The following DMD variants were observed in gnomAD, a reference collection of about 807,000 sequenced individuals.
The protein encoded by DMD is mutant dystrophin.
In DMD, 63 loss-of-function variants were observed where a neutral mutation model predicts 330.1. The observed-to-expected ratio is 0.19, with a 90% CI of 0.16 to 0.24. DMD has a LOEUF of 0.24. Among genes scored for constraint, DMD ranks in the 10% least tolerant of loss-of-function variants. The probability of loss-of-function intolerance (pLI) is 1.00; values close to 1 mark genes in which losing one functional copy is unlikely to be tolerated. For synonymous variants in DMD, 1,223 were observed against 959.8 expected (o/e 1.27, Z -5.07); for missense variants, 3,344 against 2,684.1 (o/e 1.25, Z -5.43).
At chrX:31,200,807 A>G in intron 67 of DMD, among the ~76,000 whole-genome samples, 1 of 111,715 alleles carries the variant, frequency 9.0e-6, no homozygotes. Flanking sequence ...CTAGGAAGCC[A>G]GTGCAATGAT....
At chrX:32,414,351 C>A (rs753705477) in intron 29 of DMD, among the ~76,000 whole-genome samples, 2 of 112,073 alleles carry the variant, frequency 1.8e-5, no homozygotes, top group South Asian at 3.7e-4. Flanking sequence ...AGTAAAAATT[C>A]TATCAAGTTA....
intron 44 of DMD, among the ~76,000 whole-genome samples, chrX:32,162,093 A>G (rs1182863237): frequency 9.0e-6 from 1 of 111,631 alleles, no homozygotes. Context: ...TGACGGGTTG[A>G]TGGGTGCAGC....
chrX:33,249,478 G>T (rs2052733089), intron 1 of DMD, among the ~76,000 whole-genome samples: 1 of 112,075 alleles, frequency 8.9e-6, no homozygotes, highest in African/African-American at 3.2e-5. Context: ...TTCAAATTAT[G>T]TAGCATTTAT....
At chrX:32,735,341 C>G (rs752612981) in intron 7 of DMD, among the ~76,000 whole-genome samples, 14 of 110,220 alleles carry the variant, frequency 1.3e-4, no homozygotes, top group East Asian at 2.8e-4. Flanking sequence ...CCATACTGCC[C>G]AAGGTAATTT....
intron 17 of DMD, among the ~76,000 whole-genome samples, chrX:32,532,823 CTATAACAAAGACAA>C (rs962219364): frequency 8.9e-6 from 1 of 111,852 alleles, no homozygotes; most frequent in African/African-American, 3.3e-5. Flanking sequence ...GCAAACACAG[CTATAACAAAGACAA>C]TGAAACATAT....
intron 12 of DMD, among the ~76,000 whole-genome samples, chrX:32,598,524 T>G (rs1350134481): frequency 8.9e-6 from 1 of 112,035 alleles, no homozygotes; most frequent in African/African-American, 3.2e-5. Flanking sequence ...TATATATAAT[T>G]ACATATATTA....
chrX:32,365,036 C>A lies in DMD; in HGVS notation c.5009G>T (p.Trp1670Leu). 8.3e-7 allele frequency: 1 copy of A among 1,210,367 alleles called. No homozygotes were observed. ...TTCTCTTACCAACAAAAGATTTAAC[C>A]ACTCTTCTGCTCGGGAGGTGACAGC... ...WIAVTSRAEE[W>L]LNLLLEYQKH... The change falls in exon 35 of 79, where the codon TGG becomes TTG. Residue 1670 changes from tryptophan (W) to leucine (L), a missense_variant. By Grantham distance (61) the Trp-to-Leu change is moderately conservative (BLOSUM62 -2). Coordinates refer to ENST00000357033, the MANE Select transcript of DMD (RefSeq NM_004006.3).
At chrX:32,036,748 G>A (rs1246205622) in intron 44 of DMD, among the ~76,000 whole-genome samples, 1 of 111,983 alleles carries the variant, frequency 8.9e-6, no homozygotes, top group Non-Finnish European at 1.9e-5. Context: ...ATAATGTCAA[G>A]TAAGAGGAAA....
intron 1 of DMD, among the ~76,000 whole-genome samples, chrX:33,219,450 A>AT (rs1287635618): frequency 1.5e-4 from 13 of 86,741 alleles, no homozygotes; most frequent in African/African-American, 5.6e-4. Flanking sequence ...AAATGTTCAG[A>AT]TTTTTTTTTC....
intron 27 of DMD, among the ~76,000 whole-genome samples, chrX:32,447,680 G>C (rs1215823663): frequency 8.9e-6 from 1 of 111,909 alleles, no homozygotes; most frequent in Admixed American, 9.5e-5. Flanking sequence ...CTCAGTCTGT[G>C]TGAGGGAAGG....
Position 32,417,537 on chromosome X carries a change from G to A in DMD, c.4072-5624C>T, listed in dbSNP as rs752394827. Among the ~76,000 whole-genome samples, 3 of 111,022 alleles carry A rather than the reference G, an allele frequency of 2.7e-5. No individual in the cohort carries two copies. In the Admixed American group the frequency reaches 2.9e-4, roughly 11 times the overall value. ...CCTACTTGATAGGTAAAAAATGAAT[G>A]AGAAATGATACAGTGAAGAAGGGGG... On this transcript the variant is annotated intron_variant, in intron 29 of 78. Coordinates refer to ENST00000357033, the MANE Select transcript of DMD (RefSeq NM_004006.3).
At chrX:32,194,271 G>C (rs950265052) in intron 44 of DMD, among the ~76,000 whole-genome samples, 2 of 111,565 alleles carry the variant, frequency 1.8e-5, no homozygotes, top group Non-Finnish European at 3.8e-5. Flanking sequence ...TTTGACAATT[G>C]AATGTATCTA....
chrX:31,178,974 A>G (rs2040854075), intron 69 of DMD, among the ~76,000 whole-genome samples, 169 bp from the exon 70 acceptor site: 1 of 111,647 alleles, frequency 9.0e-6, no homozygotes, highest in Admixed American at 9.5e-5. Context: ...CAGGCCTGGC[A>G]TGTACTAATT....
chrX:32,990,748 A>G (rs977411096), intron 2 of DMD, among the ~76,000 whole-genome samples: 81 of 111,697 alleles, frequency 7.3e-4, no homozygotes, highest in African/African-American at 2.5e-3. Context: ...TGAAAGGCAT[A>G]CCTAGGGAAA....
intron 51 of DMD, among the ~76,000 whole-genome samples, chrX:31,771,524 A>C (rs1271350181): frequency 9.4e-6 from 1 of 106,870 alleles, no homozygotes; most frequent in Admixed American, 1.0e-4. Context: ...TTTTTCTGAG[A>C]TGGAGTCTCA....
chrX:31,235,193 G>C (rs976904530), intron 63 of DMD, among the ~76,000 whole-genome samples: 1 of 111,927 alleles, frequency 8.9e-6, no homozygotes, highest in African/African-American at 3.2e-5. Context: ...GGATGCTTAT[G>C]TACATACAGA....
intron 12 of DMD, among the ~76,000 whole-genome samples, chrX:32,605,014 T>C (rs957611806): frequency 9.1e-6 from 1 of 110,353 alleles, no homozygotes; most frequent in African/African-American, 3.3e-5. Context: ...TCCTTATAAA[T>C]TACCAACATC....
At position 32,809,546 on chromosome X, in the gene DMD, G is replaced by C; in HGVS notation, c.596C>G (p.Ala199Gly). ...QQSATQRLEH[A>G]FNIARYQLGI... is the part of the protein sequence containing the mutation. ...TAATTGATATCTGGCGATGTTGAATGCATGTTCCAGTCGTTGTGTGGCTGA... is the reference window on the plus strand; with the variant it reads ...TAATTGATATCTGGCGATGTTGAATCCATGTTCCAGTCGTTGTGTGGCTGA... The change falls in exon 7 of 79, where the codon GCA becomes GGA. Residue 199 changes from alanine to glycine, a missense_variant. Transcript: ENST00000357033. 8.3e-7 allele frequency: 1 copy of C among 1,210,975 alleles called. No individual in the cohort carries two copies. The highest frequency in any genetic ancestry group is 1.1e-6 in the Non-Finnish European group (1 of 895,233).
intron 44 of DMD, among the ~76,000 whole-genome samples, chrX:32,099,766 C>T (rs1288993477): frequency 1.0e-5 from 1 of 99,418 alleles, no homozygotes; most frequent in Non-Finnish European, 2.0e-5. Flanking sequence ...GGGGGAGGGA[C>T]AGCATTAGGA....
Sources: gnomAD v4.1 joint callset for allele counts (sites outside exome capture counted in the v4.1 genomes callset) on GRCh38, gnomAD v4.1.1 for gene constraint, MANE v1.5 for transcripts, NCBI Gene and HGNC (gene_info 2026-07-23, HGNC 2026-07-21) for gene names.